The following MAP3K5 variants were observed in gnomAD, a reference collection of about 807,000 sequenced individuals.
MAP3K5 encodes mitogen-activated protein kinase kinase kinase 5.
MAP3K5 carries 56 observed loss-of-function variants against 158.7 expected under a neutral mutation model. The observed-to-expected ratio is 0.35, with a 90% CI of 0.28 to 0.44. The LOEUF (loss-of-function observed/expected upper bound fraction) is 0.44, where lower values mean the gene tolerates loss of function less well. Ranked by LOEUF, MAP3K5 falls within the 20% of genes least tolerant of loss-of-function variation. The pLI is 1.00. For synonymous variants in MAP3K5, 579 were observed against 601.7 expected (o/e 0.96, Z 0.55); for missense variants, 1,294 against 1,674.8 (o/e 0.77, Z 3.97).
At chr6:136,787,851 C>T (rs1283692706) in intron 1 of MAP3K5, among the ~76,000 whole-genome samples, 2 of 152,218 alleles carry the variant, frequency 1.3e-5, no homozygotes, top group Non-Finnish European at 2.9e-5. Context: ...CTTTCAAGTA[C>T]AGGTCATGGG....
At chr6:136,738,242 A>G (rs925931465) in intron 1 of MAP3K5, among the ~76,000 whole-genome samples, 2 of 152,196 alleles carry the variant, frequency 1.3e-5, no homozygotes, top group African/African-American at 4.8e-5. Flanking sequence ...GACTAAATGC[A>G]TCCTCTCCTG....
At chr6:136,589,141 G>C (rs1705289158) in intron 23 of MAP3K5, among the ~76,000 whole-genome samples, 1 of 152,188 alleles carries the variant, frequency 6.6e-6, no homozygotes, top group Admixed American at 6.5e-5. Context: ...AGCCAAGAGA[G>C]AGCTTTGCTC....
intron 23 of MAP3K5, among the ~76,000 whole-genome samples, chr6:136,586,337 A>G (rs1583225228): frequency 6.6e-6 from 1 of 152,236 alleles, no homozygotes; most frequent in Admixed American, 6.5e-5. Context: ...CAAATGGCAA[A>G]CTTTTTTTTC....
At chr6:136,707,489 G>A (rs1307513435) in intron 2 of MAP3K5, among the ~76,000 whole-genome samples, 2 of 151,382 alleles carry the variant, frequency 1.3e-5, no homozygotes, top group Non-Finnish European at 2.9e-5. Flanking sequence ...AACAATAAAC[G>A]TTATCACAGG....
rs574400776 is a variant in MAP3K5, at chr6:136,727,296, G to A, written c.449-6707C>T. ...AACATATATTCAGTACTTACTATGTGTCAGACAGTATATGCTTTTCAAATA... is the reference window on the plus strand; with the variant it reads ...AACATATATTCAGTACTTACTATGTATCAGACAGTATATGCTTTTCAAATA... On this transcript the variant is annotated intron_variant, in intron 1 of 29. Transcript: ENST00000359015. Among the ~76,000 whole-genome samples the A allele has an allele frequency of 1.2e-4, 18 of 152,318 alleles. No individual in the cohort carries two copies. In the South Asian group the frequency reaches 1.2e-3, roughly 11 times the overall value.
chr6:136,682,231 A>G (rs1269353219), intron 7 of MAP3K5, among the ~76,000 whole-genome samples: 1 of 152,140 alleles, frequency 6.6e-6, no homozygotes, highest in African/African-American at 2.4e-5. Context: ...AAATTTGGGG[A>G]CTCATATAAT....
intron 4 of MAP3K5, among the ~76,000 whole-genome samples, 159 bp from the exon 5 acceptor site, chr6:136,697,546 TG>T (rs777501258): frequency 1.3e-5 from 2 of 150,550 alleles, no homozygotes; most frequent in Non-Finnish European, 2.9e-5. Flanking sequence ...CTTACATATC[TG>T]GCATTATTAA....
At chr6:136,751,382 A>G (rs1233302564) in intron 1 of MAP3K5, among the ~76,000 whole-genome samples, 1 of 152,264 alleles carries the variant, frequency 6.6e-6, no homozygotes, top group Admixed American at 6.5e-5. Context: ...GAAACACTCA[A>G]GAAAGCACTG....
At chr6:136,600,328 A>T (rs1486102110) in intron 21 of MAP3K5, among the ~76,000 whole-genome samples, 1 of 151,488 alleles carries the variant, frequency 6.6e-6, no homozygotes, top group African/African-American at 2.4e-5. Context: ...AGTAGCTGGG[A>T]CCATAGGCAT....
In MAP3K5 at chr6:136,613,690, T is replaced by G. The variant is rs768560471; in HGVS notation, c.2279-434A>C. Among the ~76,000 whole-genome samples, 1 of 152,110 alleles carries G rather than the reference T, an allele frequency of 6.6e-6. No homozygotes were observed. The highest frequency in any genetic ancestry group is 1.5e-5 in the Non-Finnish European group (1 of 68,004). On this transcript the variant is annotated intron_variant, in intron 16 of 29. Coordinates refer to ENST00000359015, the MANE Select transcript of MAP3K5 (RefSeq NM_005923.4). This position sits in a 1 kb window ranked among gnomAD's most constrained non-coding sequence, Gnocchi z 4.0. ...AGGCTAAATCTCTTCCGCATTTTTGTCCTGTAAATGATTGGAGAAGACTGA... is the reference window on the plus strand; with the variant it reads ...AGGCTAAATCTCTTCCGCATTTTTGGCCTGTAAATGATTGGAGAAGACTGA...
intron 2 of MAP3K5, among the ~76,000 whole-genome samples, chr6:136,705,634 A>G (rs1319171038): frequency 2.0e-5 from 3 of 152,198 alleles, no homozygotes; most frequent in Non-Finnish European, 4.4e-5. Context: ...CGGAGGAGAC[A>G]GGAGAATACG....
intron 13 of MAP3K5, among the ~76,000 whole-genome samples, chr6:136,637,787 G>A (rs544095870): frequency 1.3e-5 from 2 of 152,112 alleles, no homozygotes; most frequent in African/African-American, 4.8e-5. Context: ...CAGACATAAA[G>A]CCGGGAAGCA....
rs1778904877 is a variant in MAP3K5, at chr6:136,659,320, G to A, written c.1425C>T (p.Tyr475=). The change falls in exon 9 of 30, where the codon TAC becomes TAT. Residue 475 remains tyrosine, a synonymous_variant. Coordinates refer to ENST00000359015, the MANE Select transcript of MAP3K5 (RefSeq NM_005923.4). ...CCCCCAGAAAAAATCCAACTTCCCA[G>A]TAGCTCTGGAGTTTTTCCAAGTTTC... ...KKGNLEKLQS[Y]WEVGFFLGAS... is the part of the protein sequence containing the mutation. The A allele has an allele frequency of 6.2e-7, 1 of 1,614,008 alleles. No homozygotes were observed.
intron 3 of MAP3K5, among the ~76,000 whole-genome samples, chr6:136,700,500 C>T (rs550449576): frequency 3.3e-5 from 5 of 152,166 alleles, no homozygotes; most frequent in East Asian, 1.9e-4. Context: ...CAGAACCAGA[C>T]TAAGTTATTT....
chr6:136,717,132 T>C (rs2114764763), intron 2 of MAP3K5, among the ~76,000 whole-genome samples: 1 of 152,020 alleles, frequency 6.6e-6, no homozygotes, highest in East Asian at 1.9e-4. Context: ...AACTTCCTTC[T>C]CTCAAAGTGT....
intron 2 of MAP3K5, among the ~76,000 whole-genome samples, chr6:136,711,445 A>G (rs1314749543): frequency 6.6e-6 from 1 of 152,112 alleles, no homozygotes; most frequent in Non-Finnish European, 1.5e-5. Flanking sequence ...CAGGCAGATC[A>G]CTGGAGCCCA....
chr6:136,721,868 T>C (rs1183343250), intron 1 of MAP3K5, among the ~76,000 whole-genome samples: 2 of 152,202 alleles, frequency 1.3e-5, no homozygotes, highest in East Asian at 1.9e-4. Context: ...AGAATAAAAA[T>C]TTTAAATTAA....
intron 3 of MAP3K5, among the ~76,000 whole-genome samples, chr6:136,703,889 T>C (rs190236731): frequency 2.6e-5 from 4 of 152,340 alleles, no homozygotes; most frequent in Admixed American, 2.6e-4. Flanking sequence ...TGCAGGCTTT[T>C]ATAATATATT....
chr6:136,761,999 G>C (rs1271714521), intron 1 of MAP3K5, among the ~76,000 whole-genome samples: 1 of 152,146 alleles, frequency 6.6e-6, no homozygotes, highest in Non-Finnish European at 1.5e-5. Flanking sequence ...AATGAGTAGA[G>C]CGTCTGTTCA....
Sources: gnomAD v4.1 joint callset for allele counts (sites outside exome capture counted in the v4.1 genomes callset) on GRCh38, gnomAD v4.1.1 for gene constraint, Gnocchi (gnomAD v3.1) non-coding constraint, MANE v1.5 for transcripts, NCBI Gene and HGNC (gene_info 2026-07-23, HGNC 2026-07-21) for gene names.